LAMTOR2: variants seen among roughly 807,000 people sequenced by gnomAD.
The protein encoded by LAMTOR2 is late endosomal/lysosomal adaptor, MAPK and MTOR activator 2.
A neutral mutation model predicts 15.8 loss-of-function variants in LAMTOR2; 4 were observed. The ratio of observed to expected loss-of-function variants is 0.25; its 90% CI spans 0.12 to 0.58. LAMTOR2 has a LOEUF of 0.58. LAMTOR2 is among the 20% of genes least tolerant of loss of function. The pLI, the probability that LAMTOR2 is intolerant of heterozygous loss-of-function variation, is 0.91. For synonymous variants in LAMTOR2, 62 were observed against 64.1 expected (o/e 0.97, Z 0.15); for missense variants, 100 against 161.0 (o/e 0.62, Z 2.05).
chr1:156,056,684 C>T (rs1204104509), intron 2 of LAMTOR2, among the ~76,000 whole-genome samples: 2 of 152,072 alleles, frequency 1.3e-5, no homozygotes, highest in Non-Finnish European at 2.9e-5. Flanking sequence ...GTTTGCTGAA[C>T]TTACTTTTGT....
At chr1:156,058,089 C>T (rs1647431637) in intron 3 of LAMTOR2, 22 bp downstream of exon 3, 3 of 1,609,412 alleles carry the variant, frequency 1.9e-6, no homozygotes, top group Non-Finnish European at 2.6e-6. Flanking sequence ...CCCATCCCTC[C>T]ATAGCCCTGG....
At position 156,055,157 on chromosome 1, in the gene LAMTOR2, A is replaced by T. The variant is rs1027846538; in HGVS notation, c.69-106A>T. The T allele has an allele frequency of 6.6e-7, 1 of 1,515,318 alleles. No individual in the cohort carries two copies. Among genetic ancestry groups the T allele is most frequent in the Non-Finnish European group, 9.1e-7 (1 of 1,099,904 alleles). The allele number at this position is 1,515,318 out of a possible 1,614,324, so 93.9% of individuals were successfully genotyped here. On this transcript the variant is annotated intron_variant, in intron 1 of 3. Transcript: ENST00000368305. The surrounding 1 kb of genome is among the most constrained non-coding windows in gnomAD (Gnocchi z 4.8). ...TTAGGGCATGTTCCGGGACACGCTC[A>T]GGCCAGAGCCTTGCTGGATGTGCCC...
In LAMTOR2 at chr1:156,055,087, G is replaced by A; in HGVS notation, c.68+130G>A. ...GAGGGGGCAGCGGCTGGGGATACCGGCCGGGAGGTCCCCTGTCGAAAAGGG... is the reference window on the plus strand; with the variant it reads ...GAGGGGGCAGCGGCTGGGGATACCGACCGGGAGGTCCCCTGTCGAAAAGGG... On this transcript the variant is annotated intron_variant, in intron 1 of 3. Coordinates refer to ENST00000368305, the MANE Select transcript of LAMTOR2 (RefSeq NM_014017.4). The surrounding 1 kb of genome is among the most constrained non-coding windows in gnomAD (Gnocchi z 4.8). 2 of 1,354,640 alleles carry A rather than the reference G, an allele frequency of 1.5e-6. No individual in the cohort carries two copies. Among genetic ancestry groups the A allele is most frequent in the Non-Finnish European group, 2.1e-6 (2 of 951,764 alleles). 83.9% of individuals were successfully genotyped at this position (1,354,640 alleles called of 1,614,324 possible). A position where few individuals can be genotyped will look rare whatever the true frequency, so the allele number is the denominator to read the frequency against.
At position 156,058,379 on chromosome 1, in the gene LAMTOR2, G is replaced by A; in HGVS notation, c.*8G>A. On this transcript the variant is annotated 3_prime_UTR_variant, in exon 4 of 4. Transcript: ENST00000368305. ...CAAGTGGCGGCATCTTAACGGCATT[G>A]GTGGAAGCTGGGGTCAGAAAAGAGA... is the stretch of plus-strand genomic sequence containing the variant. The A allele has an allele frequency of 6.2e-7, 1 of 1,614,098 alleles. No homozygotes were observed. Among genetic ancestry groups the A allele is most frequent in the Admixed American group, 1.7e-5 (1 of 60,010 alleles).
At position 156,058,331 on chromosome 1, in the gene LAMTOR2, A is replaced by G. The variant is rs1416963143; in HGVS notation, c.338A>G (p.Gln113Arg). 3.1e-6 allele frequency: 5 copies of G among 1,613,972 alleles called. No homozygotes were observed. The African/African-American group carries it at 6.7e-5, about 22-fold the overall frequency. Residue 113 changes from glutamine to arginine, a missense_variant, in exon 4 of 4, where the codon CAG becomes CGG. Gln to Arg is a conservative substitution (Grantham distance 43). Transcript: ENST00000368305. Reference protein sequence around the residue: ...MLKAKAQALVQYLEEPLTQVA... With the variant: ...MLKAKAQALVRYLEEPLTQVA... ...CCTCTGCAGGCCCAGGCTTTGGTGC[A>G]GTACCTGGAGGAGCCCCTCACCCAA...
Position 156,054,831 on chromosome 1 carries a change from G to A in LAMTOR2, c.-59G>A, listed in dbSNP as rs1210756015. ...GGACTACGGGAAGCAGCGGGCAGCG[G>A]CCCGCGGGAGGCACCTCGGAGATCT... is the stretch of plus-strand genomic sequence containing the variant. On this transcript the variant is annotated 5_prime_UTR_variant, in exon 1 of 4. Transcript: ENST00000368305. The A allele has an allele frequency of 7.0e-6, 11 of 1,562,776 alleles. No individual in the cohort carries two copies. The highest frequency in any genetic ancestry group is 9.7e-6 in the Non-Finnish European group (11 of 1,139,180).
In LAMTOR2 at chr1:156,055,206, C is replaced by A; in HGVS notation, c.69-57C>A. ...CCTTGGTGGGACTTGGGATGGAAACCCAGACGTTTTACTCCCCGCTCTGAG... is the reference window on the plus strand; with the variant it reads ...CCTTGGTGGGACTTGGGATGGAAACACAGACGTTTTACTCCCCGCTCTGAG... On this transcript the variant is annotated intron_variant, in intron 1 of 3. Transcript: ENST00000368305. The surrounding 1 kb of genome is among the most constrained non-coding windows in gnomAD (Gnocchi z 4.8). 1 of 1,606,404 alleles carries A rather than the reference C, an allele frequency of 6.2e-7. No individual in the cohort carries two copies.
intron 3 of LAMTOR2, 45 bp downstream of exon 3, chr1:156,058,112 T>C: frequency 6.3e-7 from 1 of 1,587,372 alleles, no homozygotes; most frequent in Non-Finnish European, 8.7e-7. Flanking sequence ...CCAGCCTTCG[T>C]GCTTCTACAC....
Position 156,055,625 on chromosome 1 carries a change from C to T in LAMTOR2, c.231+200C>T. Reference sequence around the variant, plus strand: ...GGAAGGATCCCTGGACCTGAGAGGTCTGACTTGGGTTCTGGTCTCAGCCAT... The same window carrying T: ...GGAAGGATCCCTGGACCTGAGAGGTTTGACTTGGGTTCTGGTCTCAGCCAT... On this transcript the variant is annotated intron_variant, in intron 2 of 3. Transcript: ENST00000368305. This position sits in a 1 kb window ranked among gnomAD's most constrained non-coding sequence, Gnocchi z 4.8. 4 of 640,878 alleles carry T rather than the reference C, an allele frequency of 6.2e-6. No individual in the cohort carries two copies. Among genetic ancestry groups the T allele is most frequent in the South Asian group, 5.5e-5 (3 of 54,094 alleles). 39.7% of individuals were successfully genotyped at this position (640,878 alleles called of 1,614,324 possible).
intron 2 of LAMTOR2, among the ~76,000 whole-genome samples, chr1:156,057,635 A>G (rs1647418984): frequency 6.6e-6 from 1 of 152,188 alleles, no homozygotes; most frequent in Non-Finnish European, 1.5e-5. Flanking sequence ...GCTCACAGTA[A>G]TAACATCACT....
Position 156,055,118 on chromosome 1 carries a change from G to T in LAMTOR2, c.69-145G>T, listed in dbSNP as rs895289379. 1 of 1,363,844 alleles carries T rather than the reference G, an allele frequency of 7.3e-7. No homozygotes were observed. The highest frequency in any genetic ancestry group is 1.7e-5 in the Admixed American group (1 of 58,806). The allele number at this position is 1,363,844 out of a possible 1,614,324, so 84.5% of individuals were successfully genotyped here. On this transcript the variant is annotated intron_variant, in intron 1 of 3. Coordinates refer to ENST00000368305, the MANE Select transcript of LAMTOR2 (RefSeq NM_014017.4). The surrounding 1 kb of genome is among the most constrained non-coding windows in gnomAD (Gnocchi z 4.8). ...AGGTCCCCTGTCGAAAAGGGAAGCC[G>T]GTGTGCTGGGTGCTTAGGGCATGTT...
Position 156,055,675 on chromosome 1 carries a change from G to A in LAMTOR2, c.231+250G>A. The A allele has an allele frequency of 3.7e-6, 2 of 544,262 alleles. No homozygotes were observed. Among genetic ancestry groups the A allele is most frequent in the Non-Finnish European group, 6.6e-6 (2 of 301,952 alleles). 33.7% of individuals were successfully genotyped at this position (544,262 alleles called of 1,614,324 possible). On this transcript the variant is annotated intron_variant, in intron 2 of 3. Coordinates refer to ENST00000368305, the MANE Select transcript of LAMTOR2 (RefSeq NM_014017.4). This position sits in a 1 kb window ranked among gnomAD's most constrained non-coding sequence, Gnocchi z 4.8. Reference sequence around the variant, plus strand: ...TCCACTTATCAGTTGTGGAACCTTGGGTAAGTCGCTTAACCTCTCTCAGCT... The same window carrying A: ...TCCACTTATCAGTTGTGGAACCTTGAGTAAGTCGCTTAACCTCTCTCAGCT...
chr1:156,057,891 C>A, intron 2 of LAMTOR2, 87 bp from the exon 3 acceptor site: 1 of 1,246,284 alleles, frequency 8.0e-7, no homozygotes, highest in South Asian at 1.2e-5. Context: ...AAGATATAGT[C>A]TCTCTGGGGC....
chr1:156,055,248 C>G lies in LAMTOR2; in HGVS notation c.69-15C>G. On this transcript the variant is annotated splice_polypyrimidine_tract_variant and intron_variant, in intron 1 of 3. Transcript: ENST00000368305. This position sits in a 1 kb window ranked among gnomAD's most constrained non-coding sequence, Gnocchi z 4.8. ...CGCTCTGAGCACATCGCTATCCCTC[C>G]CCGCCCCTCACCAGGCTGCTGAATA... 6.2e-7 allele frequency: 1 copy of G among 1,613,508 alleles called. No individual in the cohort carries two copies. The highest frequency in any genetic ancestry group is 8.5e-7 in the Non-Finnish European group (1 of 1,179,978).
Position 156,055,203 on chromosome 1 carries a change from A to T in LAMTOR2, c.69-60A>T. 1 of 1,605,202 alleles carries T rather than the reference A, an allele frequency of 6.2e-7. No individual in the cohort carries two copies. The highest frequency in any genetic ancestry group is 8.5e-7 in the Non-Finnish European group (1 of 1,176,242). On this transcript the variant is annotated intron_variant, in intron 1 of 3. Transcript: ENST00000368305. The surrounding 1 kb of genome is among the most constrained non-coding windows in gnomAD (Gnocchi z 4.8). The stretch of plus-strand genomic sequence containing the variant: ...TGCCCTTGGTGGGACTTGGGATGGA[A>T]ACCCAGACGTTTTACTCCCCGCTCT...
chr1:156,058,463 G>A lies in LAMTOR2; in HGVS notation c.*92G>A. 7.3e-7 allele frequency: 1 copy of A among 1,366,338 alleles called. No individual in the cohort carries two copies. The highest frequency in any genetic ancestry group is 1.0e-6 in the Non-Finnish European group (1 of 958,352). The allele number at this position is 1,366,338 out of a possible 1,614,324, so 84.6% of individuals were successfully genotyped here. On this transcript the variant is annotated 3_prime_UTR_variant, in exon 4 of 4. Transcript: ENST00000368305. The stretch of plus-strand genomic sequence containing the variant: ...GAACCTTCTTAGACAATGGGGGGAG[G>A]ATGGGACTTTGTTTTTTCCAAGAAT...
intron 2 of LAMTOR2, 132 bp from the exon 3 acceptor site, chr1:156,057,846 C>A: frequency 1.2e-6 from 1 of 853,932 alleles, no homozygotes; most frequent in Middle Eastern, 2.3e-4. Flanking sequence ...AAAGCTTTTC[C>A]GCTGAACTTC....
Position 156,055,086 on chromosome 1 carries a change from G to A in LAMTOR2, c.68+129G>A, listed in dbSNP as rs1466406632. The A allele has an allele frequency of 4.4e-6, 6 of 1,348,776 alleles. No individual in the cohort carries two copies. In the African/African-American group the frequency reaches 5.8e-5, roughly 13 times the overall value. 83.6% of individuals were successfully genotyped at this position (1,348,776 alleles called of 1,614,324 possible). On this transcript the variant is annotated intron_variant, in intron 1 of 3. Transcript: ENST00000368305. The surrounding 1 kb of genome is among the most constrained non-coding windows in gnomAD (Gnocchi z 4.8). Reference sequence around the variant, plus strand: ...AGAGGGGGCAGCGGCTGGGGATACCGGCCGGGAGGTCCCCTGTCGAAAAGG... The same window carrying A: ...AGAGGGGGCAGCGGCTGGGGATACCAGCCGGGAGGTCCCCTGTCGAAAAGG...
chr1:156,058,435 G>A lies in LAMTOR2; in HGVS notation c.*64G>A. On this transcript the variant is annotated 3_prime_UTR_variant, in exon 4 of 4. Transcript: ENST00000368305. Reference sequence around the variant, plus strand: ...CCATTTGGAGGGGCGGGGCCTCCTAGAAGAACCTTCTTAGACAATGGGGGG... The same window carrying A: ...CCATTTGGAGGGGCGGGGCCTCCTAAAAGAACCTTCTTAGACAATGGGGGG... 6.4e-7 allele frequency: 1 copy of A among 1,557,672 alleles called. No homozygotes were observed. Among genetic ancestry groups the A allele is most frequent in the East Asian group, 2.2e-5 (1 of 44,544 alleles).
Sources: gnomAD v4.1 joint callset for allele counts (sites outside exome capture counted in the v4.1 genomes callset) on GRCh38, gnomAD v4.1.1 for gene constraint, Gnocchi (gnomAD v3.1) non-coding constraint, MANE v1.5 for transcripts, NCBI Gene and HGNC (gene_info 2026-07-23, HGNC 2026-07-21) for gene names.